Variants in PARD6G observed in about 807,000 individuals in gnomAD.
PARD6G encodes the protein partitioning defective 6 homolog gamma.
Under a neutral mutation model 10.7 loss-of-function variants are expected in PARD6G, and 7 were observed. That is an observed-to-expected ratio of 0.66 (90% CI 0.37 to 1.23). PARD6G has a LOEUF of 1.23. Ranked by LOEUF, PARD6G falls within the 50% of genes most tolerant of loss-of-function variation. The pLI is 0.02. For missense variants in PARD6G, 548 were observed against 571.8 expected (o/e 0.96, Z 0.42); for synonymous variants, 287 against 269.4 (o/e 1.07, Z -0.64).
chr18:80,221,360 A>G lies in PARD6G; in HGVS notation c.73-18428T>C, dbSNP rs1027417808. Among the ~76,000 whole-genome samples, 3 of 152,182 alleles carry G rather than the reference A, an allele frequency of 2.0e-5. No homozygotes were observed. In the South Asian group the frequency reaches 6.2e-4, roughly 31 times the overall value. On this transcript the variant is annotated intron_variant, in intron 1 of 2. Transcript: ENST00000353265. The stretch of plus-strand genomic sequence containing the variant: ...TAGCAACATATAAAAAGGACCACAC[A>G]CCATGACCTGTGAGATTTATCACAT...
chr18:80,173,594 C>T (rs953941288), intron 2 of PARD6G, among the ~76,000 whole-genome samples: 1 of 151,746 alleles, frequency 6.6e-6, no homozygotes, highest in African/African-American at 2.4e-5. Context: ...CACTGCACTC[C>T]AATCTAGGTG....
At position 80,160,529 on chromosome 18, in the gene PARD6G, C is replaced by T. The variant is rs749075835; in HGVS notation, c.373G>A (p.Gly125Arg). ...TCCAGGTGTGCACGCCGCCGGGGTC[C>T]TTCATCACGCAGCGCGCCCAGCGCC... Reference protein sequence around the residue: ...RRALGALRDEGPRRRAHLDIG... With the variant: ...RRALGALRDERPRRRAHLDIG... The change falls in exon 3 of 3, where the codon GGA becomes AGA. Residue 125 changes from glycine to arginine, a missense_variant. By Grantham distance (125) the Gly-to-Arg change is moderately radical. This residue lies in a region of PARD6G where 235 missense variants were observed against 291.9 expected (regional missense o/e 0.81). Transcript: ENST00000353265. 2.0e-6 allele frequency: 3 copies of T among 1,512,162 alleles called. No homozygotes were observed. Among genetic ancestry groups the T allele is most frequent in the Admixed American group, 2.2e-5 (1 of 46,166 alleles). 93.7% of individuals were successfully genotyped at this position (1,512,162 alleles called of 1,614,324 possible).
rs12456553 is a variant in PARD6G, at chr18:80,246,165, T to C, written c.72+1112A>G. On this transcript the variant is annotated intron_variant, in intron 1 of 2. Transcript: ENST00000353265. The surrounding 1 kb of genome is among the most constrained non-coding windows in gnomAD (Gnocchi z 6.7). ...GGGGTGCGGGCTCCCACTCCGCCGTTAGGAGCCTTTCCCACAACTCTGAGA... is the reference window on the plus strand; with the variant it reads ...GGGGTGCGGGCTCCCACTCCGCCGTCAGGAGCCTTTCCCACAACTCTGAGA... 0.63 allele frequency among the ~76,000 whole-genome samples: 95,900 copies of C among 151,748 alleles called. 31,855 individuals are homozygous for C. Among genetic ancestry groups the C allele is most frequent in the Non-Finnish European group, 0.73 (49,612 of 67,906 alleles).
At chr18:80,230,498 G>A (rs898997915) in intron 1 of PARD6G, among the ~76,000 whole-genome samples, 2 of 152,180 alleles carry the variant, frequency 1.3e-5, no homozygotes, top group African/African-American at 4.8e-5. Context: ...GGAGCCTGGC[G>A]CCTGCCTAGG....
intron 1 of PARD6G, among the ~76,000 whole-genome samples, chr18:80,229,680 A>C (rs577133627): frequency 1.1e-4 from 16 of 152,380 alleles, no homozygotes; most frequent in African/African-American, 3.6e-4. Flanking sequence ...GAAGTTAGAC[A>C]GTAATCCACA....
At chr18:80,177,216 G>GCACACACACA (rs1491357384) in intron 2 of PARD6G, among the ~76,000 whole-genome samples, 2 of 48,134 alleles carry the variant, frequency 4.2e-5, no homozygotes, top group Admixed American at 2.8e-4. Flanking sequence ...TAAATGGGAA[G>GCACACACACA]CGCACACACA....
intron 1 of PARD6G, among the ~76,000 whole-genome samples, chr18:80,237,366 A>C (rs1251144821): frequency 1.3e-5 from 2 of 152,240 alleles, no homozygotes; most frequent in East Asian, 3.8e-4. Context: ...TGGATTAAAG[A>C]CTTAAATGTT....
In PARD6G at chr18:80,163,392, C is replaced by T. The variant is rs547071704; in HGVS notation, c.296-2786G>A. Among the ~76,000 whole-genome samples the T allele has an allele frequency of 3.3e-5, 5 of 152,288 alleles. No homozygotes were observed. In the East Asian group the frequency reaches 7.7e-4, roughly 24 times the overall value. ...GGGCAGAGTACAGTGAGGCTTGGCC[C>T]GGGAGAGGTGACACCTACTGTTCCA... On this transcript the variant is annotated intron_variant, in intron 2 of 2. Coordinates refer to ENST00000353265, the MANE Select transcript of PARD6G (RefSeq NM_032510.4).
In PARD6G at chr18:80,181,056, G is replaced by T. The variant is rs1283111110; in HGVS notation, c.296-20450C>A. 6.6e-6 allele frequency among the ~76,000 whole-genome samples: 1 copy of T among 152,196 alleles called. No homozygotes were observed. Among genetic ancestry groups the T allele is most frequent in the Non-Finnish European group, 1.5e-5 (1 of 68,024 alleles). ...GCTCCTACAGTCAGGCTGTTCAAAG[G>T]TCTGAACCTCACGCGCGATCTCGAC... is the stretch of plus-strand genomic sequence containing the variant. On this transcript the variant is annotated intron_variant, in intron 2 of 2. Transcript: ENST00000353265. This position sits in a 1 kb window ranked among gnomAD's most constrained non-coding sequence, Gnocchi z 7.9.
chr18:80,224,075 C>G (rs1291191680), intron 1 of PARD6G, among the ~76,000 whole-genome samples: 4 of 152,186 alleles, frequency 2.6e-5, no homozygotes, highest in Non-Finnish European at 4.4e-5. Flanking sequence ...TGACCCCAAA[C>G]TACAAAAGTC....
intron 2 of PARD6G, among the ~76,000 whole-genome samples, chr18:80,177,854 AGCACACACATGT>A (rs1179828891): frequency 6.6e-6 from 1 of 151,702 alleles, no homozygotes; most frequent in Non-Finnish European, 1.5e-5. Flanking sequence ...CCAAACGGGA[AGCACACACATGT>A]GCACACACAC....
At position 80,180,371 on chromosome 18, in the gene PARD6G, C is replaced by T. The variant is rs1442277469; in HGVS notation, c.296-19765G>A. On this transcript the variant is annotated intron_variant, in intron 2 of 2. Coordinates refer to ENST00000353265, the MANE Select transcript of PARD6G (RefSeq NM_032510.4). The surrounding 1 kb of genome is among the most constrained non-coding windows in gnomAD (Gnocchi z 5.6). ...GACACGCAGCTGGGAGGGGCGCAGC[C>T]GGCAGCACCTGGGAATGCAGCACTG... Among the ~76,000 whole-genome samples, 6 of 152,132 alleles carry T rather than the reference C, an allele frequency of 3.9e-5. No individual in the cohort carries two copies. Among genetic ancestry groups the T allele is most frequent in the Non-Finnish European group, 7.4e-5 (5 of 67,996 alleles).
rs564212665 is a variant in PARD6G, at chr18:80,160,037, G to A, written c.865C>T (p.His289Tyr). 7.8e-5 allele frequency: 121 copies of A among 1,541,724 alleles called. 1 individual carries two copies. In the South Asian group the frequency reaches 1.5e-3, roughly 19 times the overall value. Residue 289 changes from histidine (H) to tyrosine (Y), a missense_variant, in exon 3 of 3, where the codon CAC becomes TAC. Transcript: ENST00000353265. The stretch of plus-strand genomic sequence containing the variant: ...TCATCGCTCTCCGCCTCGTCGGGGT[G>A]GAAGTTCTGCAGGACGCGCGGGGCG... ...PPAPRVLQNF[H>Y]PDEAESDEDN...
intron 1 of PARD6G, among the ~76,000 whole-genome samples, chr18:80,222,222 C>G (rs534450605): frequency 1.3e-5 from 2 of 152,018 alleles, no homozygotes; most frequent in Non-Finnish European, 2.9e-5. Flanking sequence ...GTAGCTGGAA[C>G]TACAGGCATG....
chr18:80,206,072 A>T (rs1599864128), intron 1 of PARD6G, among the ~76,000 whole-genome samples: 1 of 152,344 alleles, frequency 6.6e-6, no homozygotes, highest in African/African-American at 2.4e-5. Context: ...ACTAACCTAA[A>T]ACACATCTCA....
At chr18:80,238,048 G>A (rs189252892) in intron 1 of PARD6G, among the ~76,000 whole-genome samples, 3,869 of 152,188 alleles carry the variant, frequency 0.025, 158 homozygotes, top group African/African-American at 0.088. Context: ...ACATGCACAC[G>A]TATGTTTACT....
intron 2 of PARD6G, among the ~76,000 whole-genome samples, chr18:80,177,124 GCA>G (rs980113711): frequency 1.5e-5 from 2 of 130,498 alleles, no homozygotes; most frequent in African/African-American, 3.0e-5. Context: ...CAAATGGGAA[GCA>G]CACACACACA....
At chr18:80,213,944 C>G (rs1967133193) in intron 1 of PARD6G, among the ~76,000 whole-genome samples, 1 of 48,002 alleles carries the variant, frequency 2.1e-5, no homozygotes, top group African/African-American at 1.3e-4. Context: ...GAGACTCCAT[C>G]TCAAAAAAAA....
chr18:80,191,504 G>T (rs1488413702), intron 2 of PARD6G, among the ~76,000 whole-genome samples: 1 of 152,140 alleles, frequency 6.6e-6, no homozygotes, highest in Non-Finnish European at 1.5e-5. Context: ...TGTGTCCCTG[G>T]GCAATGAGAT....
Sources: gnomAD v4.1 joint callset for allele counts (sites outside exome capture counted in the v4.1 genomes callset) on GRCh38, gnomAD v4.1.1 for gene constraint, gnomAD v4.1.1 regional missense constraint, Gnocchi (gnomAD v3.1) non-coding constraint, MANE v1.5 for transcripts, NCBI Gene and HGNC (gene_info 2026-07-23, HGNC 2026-07-21) for gene names.